The following ZFAND3 variants were observed in gnomAD, a reference collection of about 807,000 sequenced individuals.
ZFAND3 encodes AN1-type zinc finger protein 3.
A neutral mutation model predicts 29.6 loss-of-function variants in ZFAND3; 10 were observed. The observed-to-expected ratio is 0.34, with a 90% CI of 0.21 to 0.57. The LOEUF (loss-of-function observed/expected upper bound fraction) is 0.57. Among genes scored for constraint, ZFAND3 ranks in the 20% least tolerant of loss-of-function variants. The pLI is 0.86. For missense variants in ZFAND3, 230 were observed against 304.5 expected (o/e 0.76, Z 1.82); for synonymous variants, 128 against 112.6 (o/e 1.14, Z -0.87).
chr6:37,895,569 T>C (rs1765189224), intron 1 of ZFAND3, among the ~76,000 whole-genome samples: 1 of 151,136 alleles, frequency 6.6e-6, no homozygotes, highest in South Asian at 2.1e-4. Context: ...AATACAGTTA[T>C]ATTTATTGGT....
chr6:37,957,672 T>C (rs1334935836), intron 2 of ZFAND3, among the ~76,000 whole-genome samples: 3 of 152,138 alleles, frequency 2.0e-5, no homozygotes, highest in Admixed American at 1.3e-4. Flanking sequence ...GGAATGAAAA[T>C]AGAGTTGCCA....
intron 1 of ZFAND3, among the ~76,000 whole-genome samples, chr6:37,864,313 G>A (rs991597881): frequency 6.6e-6 from 1 of 151,728 alleles, no homozygotes; most frequent in Admixed American, 6.6e-5. Context: ...TAAATTTTCT[G>A]CTTTTGATTT....
intron 1 of ZFAND3, among the ~76,000 whole-genome samples, chr6:37,854,775 C>CCG (rs1764346856): frequency 3.3e-5 from 4 of 121,178 alleles, no homozygotes; most frequent in African/African-American, 1.2e-4. Flanking sequence ...CCCCCCCCCC[C>CCG]CTTTTTTTTT....
At chr6:37,939,485 T>C (rs1761772780) in intron 2 of ZFAND3, among the ~76,000 whole-genome samples, 1 of 152,166 alleles carries the variant, frequency 6.6e-6, no homozygotes, top group South Asian at 2.1e-4. Flanking sequence ...GCAGAAGCTT[T>C]TTTTCCCAAA....
At chr6:37,912,027 T>C (rs907374552) in intron 1 of ZFAND3, among the ~76,000 whole-genome samples, 1 of 125,886 alleles carries the variant, frequency 7.9e-6, no homozygotes, top group Non-Finnish European at 1.6e-5. Context: ...GCCAGTCTTT[T>C]ATCTGTGTGT....
chr6:37,896,616 CT>C (rs1765223167), intron 1 of ZFAND3, among the ~76,000 whole-genome samples: 1 of 124,644 alleles, frequency 8.0e-6, no homozygotes, highest in Non-Finnish European at 1.7e-5. Context: ...CTCTTTCTTT[CT>C]TTTCTTTCTT....
At chr6:38,125,014 CAA>C (rs1012770976) in intron 5 of ZFAND3, among the ~76,000 whole-genome samples, 1 of 152,192 alleles carries the variant, frequency 6.6e-6, no homozygotes, top group African/African-American at 2.4e-5. Flanking sequence ...ACCTGTGACT[CAA>C]GAGAAGAAAG....
intron 5 of ZFAND3, chr6:38,142,351 T>C (rs1416205785): frequency 6.4e-6 from 3 of 468,746 alleles, no homozygotes; most frequent in Non-Finnish European, 1.3e-5. Flanking sequence ...ATGAACTGAC[T>C]CTTGCCTGCA....
chr6:37,821,548 T>G (rs2127362771), intron 1 of ZFAND3, among the ~76,000 whole-genome samples: 1 of 152,318 alleles, frequency 6.6e-6, no homozygotes, highest in East Asian at 1.9e-4. Context: ...ACAGGGAGTG[T>G]AGGGTGGAGC....
intron 2 of ZFAND3, among the ~76,000 whole-genome samples, chr6:38,001,855 C>T (rs1006971738): frequency 6.6e-6 from 1 of 152,138 alleles, no homozygotes; most frequent in Non-Finnish European, 1.5e-5. Context: ...AGTAGTTGCA[C>T]ACAAGAGAAT....
intron 2 of ZFAND3, among the ~76,000 whole-genome samples, chr6:37,980,819 G>A (rs865820773): frequency 3.9e-5 from 6 of 152,054 alleles, no homozygotes; most frequent in African/African-American, 1.2e-4. Context: ...TAATGTTGAC[G>A]TTCTATTACT....
intron 2 of ZFAND3, among the ~76,000 whole-genome samples, chr6:38,042,313 C>CTT (rs35136153): frequency 1.2e-4 from 11 of 91,882 alleles, no homozygotes; most frequent in South Asian, 7.3e-4. Context: ...CTTGAGCTTG[C>CTT]TTTTTTTTTT....
At chr6:37,998,476 A>G (rs999055294) in intron 2 of ZFAND3, among the ~76,000 whole-genome samples, 4 of 152,056 alleles carry the variant, frequency 2.6e-5, no homozygotes, top group African/African-American at 9.7e-5. Context: ...ATCCCAGGAT[A>G]GAATGCAGAA....
intron 1 of ZFAND3, among the ~76,000 whole-genome samples, chr6:37,897,930 G>T (rs934072660): frequency 6.6e-6 from 1 of 151,922 alleles, no homozygotes; most frequent in Non-Finnish European, 1.5e-5. Context: ...TATAGTTTAC[G>T]CACATACCCA....
chr6:37,881,742 T>C (rs1212736593), intron 1 of ZFAND3, among the ~76,000 whole-genome samples: 1 of 152,104 alleles, frequency 6.6e-6, no homozygotes, highest in Admixed American at 6.5e-5. Flanking sequence ...TGTTCCTTGC[T>C]CCTTAGGGTT....
At chr6:37,898,170 C>T (rs1215885658) in intron 1 of ZFAND3, among the ~76,000 whole-genome samples, 6 of 152,122 alleles carry the variant, frequency 3.9e-5, no homozygotes, top group Non-Finnish European at 8.8e-5. Context: ...TTTTATATTT[C>T]GCATTTGGGT....
At chr6:37,838,528 G>A (rs1475995747) in intron 1 of ZFAND3, among the ~76,000 whole-genome samples, 2 of 152,124 alleles carry the variant, frequency 1.3e-5, no homozygotes, top group East Asian at 3.8e-4. Context: ...TCTACTTTCT[G>A]GTTCTATGGA....
At chr6:37,930,392 C>T (rs1561937890) in intron 2 of ZFAND3, among the ~76,000 whole-genome samples, 2 of 152,154 alleles carry the variant, frequency 1.3e-5, no homozygotes, top group South Asian at 2.1e-4. Context: ...CTGAGTTAGC[C>T]CATCATCAGA....
intron 2 of ZFAND3, among the ~76,000 whole-genome samples, chr6:37,962,794 G>T (rs1481495224): frequency 3.3e-5 from 5 of 152,202 alleles, no homozygotes; most frequent in Admixed American, 2.0e-4. Context: ...CGCTGTGGAA[G>T]CTTTGTTCTT....
Sources: gnomAD v4.1 joint callset for allele counts (sites outside exome capture counted in the v4.1 genomes callset) on GRCh38, gnomAD v4.1.1 for gene constraint, MANE v1.5 for transcripts, NCBI Gene and HGNC (gene_info 2026-07-23, HGNC 2026-07-21) for gene names.